Variants in NR6A1 observed in about 807,000 individuals in gnomAD.
NR6A1 encodes retinoic acid receptor-related testis-associated receptor.
A neutral mutation model predicts 59.1 loss-of-function variants in NR6A1; 7 were observed. That is an observed-to-expected ratio of 0.12 (90% CI 0.07 to 0.22). The LOEUF (loss-of-function observed/expected upper bound fraction) is 0.22. Among genes scored for constraint, NR6A1 ranks in the 10% least tolerant of loss-of-function variants. The pLI is 1.00. For synonymous variants in NR6A1, 243 were observed against 236.1 expected (o/e 1.03, Z -0.27); for missense variants, 468 against 611.6 (o/e 0.77, Z 2.48).
chr9:124,544,709 T>C (rs73579822), intron 3 of NR6A1, among the ~76,000 whole-genome samples: 2,762 of 152,216 alleles, frequency 0.018, 75 homozygotes, highest in African/African-American at 0.062. Context: ...GGCTAAAGCA[T>C]AGGGGAAGGG....
intron 2 of NR6A1, among the ~76,000 whole-genome samples, chr9:124,710,608 T>C (rs1429099819): frequency 6.6e-6 from 1 of 152,242 alleles, no homozygotes; most frequent in Non-Finnish European, 1.5e-5. Flanking sequence ...CCAACATTCA[T>C]CCATCTTATG....
chr9:124,760,462 A>AAT (rs1341212038), intron 1 of NR6A1, among the ~76,000 whole-genome samples: 2 of 152,220 alleles, frequency 1.3e-5, no homozygotes, highest in East Asian at 3.8e-4. Context: ...TAAATGCCCC[A>AAT]GATTCTCAGG....
chr9:124,636,593 C>A (rs555371385), intron 2 of NR6A1, among the ~76,000 whole-genome samples: 3 of 152,126 alleles, frequency 2.0e-5, no homozygotes, highest in Non-Finnish European at 4.4e-5. Context: ...ATCTTTGTGA[C>A]GGATATAAGG....
intron 2 of NR6A1, among the ~76,000 whole-genome samples, chr9:124,653,382 A>G (rs922457036): frequency 3.3e-5 from 5 of 151,828 alleles, no homozygotes; most frequent in African/African-American, 1.2e-4. Flanking sequence ...TATCAGGTGT[A>G]TGCTGTTATT....
At chr9:124,696,756 A>T (rs181480579) in intron 2 of NR6A1, among the ~76,000 whole-genome samples, 111 of 152,142 alleles carry the variant, frequency 7.3e-4, no homozygotes, top group Non-Finnish European at 8.8e-5. Context: ...TCCTGACCTC[A>T]AGTGATCCGC....
In NR6A1 at chr9:124,745,987, C is replaced by CAAAAAA. The variant is rs755252377; in HGVS notation, c.101-12644_101-12639dup. Among the ~76,000 whole-genome samples the CAAAAAA allele has an allele frequency of 8.4e-4, 49 of 58,410 alleles. 1 individual carries two copies. The highest frequency in any genetic ancestry group is 2.8e-3 in the African/African-American group (49 of 17,550). 38.3% of individuals were successfully genotyped at this position (58,410 alleles called of 152,430 possible). On this transcript the variant is annotated intron_variant, in intron 1 of 9. Transcript: ENST00000487099. ...TGGGCGACAGAGCCAGACTCTGTCT[C>CAAAAAA]AAAAAAAAAAAAAAAAAAAAAATCC...
chr9:124,658,441 G>T (rs961010669), intron 2 of NR6A1: 3 of 152,220 alleles, frequency 2.0e-5, no homozygotes, highest in African/African-American at 7.2e-5. Context: ...AGACAGGGCT[G>T]CAAGGAAATC....
At chr9:124,621,121 G>A (rs1260551195) in intron 2 of NR6A1, among the ~76,000 whole-genome samples, 1 of 152,164 alleles carries the variant, frequency 6.6e-6, no homozygotes, top group Non-Finnish European at 1.5e-5. Flanking sequence ...ACCAAACAGT[G>A]ATCACAAGTA....
At chr9:124,537,501 G>A (rs1332648252) in intron 6 of NR6A1, among the ~76,000 whole-genome samples, 1 of 152,268 alleles carries the variant, frequency 6.6e-6, no homozygotes, top group East Asian at 1.9e-4. Context: ...TTCCTGGGAG[G>A]TCTAAGCTTG....
At chr9:124,679,029 C>T (rs1838043989) in intron 2 of NR6A1, among the ~76,000 whole-genome samples, 1 of 152,054 alleles carries the variant, frequency 6.6e-6, no homozygotes, top group South Asian at 2.1e-4. Context: ...ACAGCAAGAC[C>T]CCTGTCTCTA....
At chr9:124,627,249 G>A (rs774453823) in intron 2 of NR6A1, among the ~76,000 whole-genome samples, 2 of 152,196 alleles carry the variant, frequency 1.3e-5, no homozygotes, top group Admixed American at 6.5e-5. Context: ...ACTGAGATCA[G>A]AACCCAGATG....
At position 124,751,415 on chromosome 9, in the gene NR6A1, C is replaced by T. The variant is rs1279492966; in HGVS notation, c.101-18066G>A. Reference sequence around the variant, plus strand: ...GGTAAAAATTCTTCTAGATAGAGCACATATGAGCTTGACAATAACATTCGA... The same window carrying T: ...GGTAAAAATTCTTCTAGATAGAGCATATATGAGCTTGACAATAACATTCGA... On this transcript the variant is annotated intron_variant, in intron 1 of 9. Coordinates refer to ENST00000487099, the MANE Select transcript of NR6A1 (RefSeq NM_033334.4). Among the ~76,000 whole-genome samples, 9 of 152,316 alleles carry T rather than the reference C, an allele frequency of 5.9e-5. No individual in the cohort carries two copies. The East Asian group carries it at 1.7e-3, about 29-fold the overall frequency.
chr9:124,665,545 GA>G (rs1837586697), intron 2 of NR6A1, among the ~76,000 whole-genome samples: 1 of 152,192 alleles, frequency 6.6e-6, no homozygotes, highest in Non-Finnish European at 1.5e-5. Context: ...TGGAGAGGAT[GA>G]AATAAAGCGA....
chr9:124,702,991 T>C (rs1299680711), intron 2 of NR6A1, among the ~76,000 whole-genome samples: 1 of 151,644 alleles, frequency 6.6e-6, no homozygotes, highest in Non-Finnish European at 1.5e-5. Flanking sequence ...CTCCACCTCC[T>C]GGGCTCAAGC....
chr9:124,538,397 C>T, intron 5 of NR6A1, 78 bp from the exon 6 acceptor site: 2 of 1,095,172 alleles, frequency 1.8e-6, no homozygotes, highest in Non-Finnish European at 2.7e-6. Context: ...CAGAAGGTGA[C>T]TTTAGGTATT....
chr9:124,649,193 T>C (rs1285061475), intron 2 of NR6A1, among the ~76,000 whole-genome samples: 1 of 106,202 alleles, frequency 9.4e-6, no homozygotes, highest in African/African-American at 3.8e-5. Flanking sequence ...GACTTCAAAA[T>C]ATACTACCAA....
At chr9:124,737,029 C>G (rs1840038875) in intron 1 of NR6A1, among the ~76,000 whole-genome samples, 1 of 152,142 alleles carries the variant, frequency 6.6e-6, no homozygotes, top group Admixed American at 6.5e-5. Context: ...TGGCATCATC[C>G]TCAAAGACCT....
At chr9:124,696,514 C>A (rs926509536) in intron 2 of NR6A1, among the ~76,000 whole-genome samples, 3 of 142,650 alleles carry the variant, frequency 2.1e-5, no homozygotes, top group South Asian at 2.2e-4. Context: ...ACATAATGTT[C>A]TCTAGCTTTT....
chr9:124,692,148 A>T (rs1163358959), intron 2 of NR6A1, among the ~76,000 whole-genome samples: 1 of 152,218 alleles, frequency 6.6e-6, no homozygotes, highest in African/African-American at 2.4e-5. Flanking sequence ...GATCCCCAAT[A>T]TATGTTAATC....
Sources: allele counts gnomAD v4.1 joint callset (sites outside exome capture counted in the v4.1 genomes callset), GRCh38; gene constraint gnomAD v4.1.1; transcripts MANE v1.5; gene names NCBI Gene and HGNC (gene_info 2026-07-23, HGNC 2026-07-21).